Variants in UNC5A observed in about 807,000 individuals in gnomAD.
The protein encoded by UNC5A is unc-5 netrin receptor A.
In UNC5A, 20 loss-of-function variants were observed where a neutral mutation model predicts 87.4. That is an observed-to-expected ratio of 0.23 (90% CI 0.16 to 0.33). The LOEUF is 0.33. UNC5A is among the 10% of genes least tolerant of loss of function. The pLI, the probability that UNC5A is intolerant of heterozygous loss-of-function variation, is 1.00. For synonymous variants in UNC5A, 438 were observed against 482.3 expected, an observed-to-expected ratio of 0.91 and a Z score of 1.20; for missense variants, 844 against 1,133.4, an observed-to-expected ratio of 0.74 and a Z score of 3.67.
chr5:176,868,065 G>A, intron 2 of UNC5A, 65 bp from the exon 3 acceptor site: 1 of 1,521,872 alleles, frequency 6.6e-7, no homozygotes, highest in South Asian at 1.2e-5. Context: ...GGGTGGCGCA[G>A]GAACCCACAC....
intron 10 of UNC5A, 48 bp downstream of exon 10, chr5:176,877,751 G>C: frequency 6.5e-7 from 1 of 1,547,550 alleles, no homozygotes; most frequent in Non-Finnish European, 8.8e-7. Flanking sequence ...TGGGCTAACT[G>C]CACGCTCCAC....
At chr5:176,826,362 G>A (rs546737543) in intron 1 of UNC5A, among the ~76,000 whole-genome samples, 77 of 152,324 alleles carry the variant, frequency 5.1e-4, no homozygotes, top group African/African-American at 1.8e-3. Flanking sequence ...ATGGGAGGGC[G>A]CAGGGAGCAG....
At chr5:176,814,702 C>G (rs1382352928) in intron 1 of UNC5A, among the ~76,000 whole-genome samples, 2 of 152,250 alleles carry the variant, frequency 1.3e-5, no homozygotes, top group African/African-American at 4.8e-5. Context: ...CCTCCTCCTT[C>G]TCCTCCAGTG....
chr5:176,822,863 G>A (rs75376440), intron 1 of UNC5A, among the ~76,000 whole-genome samples: 3,322 of 152,202 alleles, frequency 0.022, 105 homozygotes, highest in African/African-American at 0.075. Flanking sequence ...GCCGGGAGGC[G>A]TGCAGCCCCG....
Position 176,877,919 on chromosome 5 carries a change from C to T in UNC5A, c.1661C>T (p.Ala554Val), listed in dbSNP as rs200322532. Residue 554 changes from alanine to valine, a missense_variant, in exon 11 of 15, where the codon GCG (alanine) becomes GTG (valine). Physicochemically the swap from Ala to Val is moderately conservative, Grantham distance 64. Around this residue, in one of 3 missense-constraint regions of UNC5A, gnomAD observed 353 missense variants for 387.5 expected, o/e 0.91. Transcript: ENST00000329542. Reference sequence around the variant, plus strand: ...GATGTGCTGCACCTGGGCGAGGAGGCGCCCTCCCACCTCTACTACTGCCAG... The same window carrying T: ...GATGTGCTGCACCTGGGCGAGGAGGTGCCCTCCCACCTCTACTACTGCCAG... ...WEDVLHLGEEAPSHLYYCQLE... is the reference protein window; with the variant it reads ...WEDVLHLGEEVPSHLYYCQLE... 204 of 1,602,236 alleles carry T rather than the reference C, an allele frequency of 1.3e-4. 2 individuals are homozygous for T. In the South Asian group the frequency reaches 1.5e-3, roughly 12 times the overall value.
At chr5:176,846,452 G>A (rs1330940073) in intron 1 of UNC5A, among the ~76,000 whole-genome samples, 1 of 152,138 alleles carries the variant, frequency 6.6e-6, no homozygotes, top group Non-Finnish European at 1.5e-5. Flanking sequence ...TGGTTTTCTT[G>A]TCCATGATGG....
chr5:176,862,068 C>G (rs1342493128), intron 1 of UNC5A, among the ~76,000 whole-genome samples: 3 of 152,222 alleles, frequency 2.0e-5, no homozygotes, highest in East Asian at 3.8e-4. Context: ...GGAGGTGGCC[C>G]AGGTATCTCA....
chr5:176,854,436 C>T (rs1757619992), intron 1 of UNC5A, among the ~76,000 whole-genome samples: 1 of 152,218 alleles, frequency 6.6e-6, no homozygotes, highest in South Asian at 2.1e-4. Flanking sequence ...ATGCAGGTGG[C>T]AGGGAGTGCT....
intron 1 of UNC5A, among the ~76,000 whole-genome samples, chr5:176,851,843 C>T (rs1188221277): frequency 6.6e-6 from 1 of 152,138 alleles, no homozygotes; most frequent in Non-Finnish European, 1.5e-5. Flanking sequence ...GGTGCGTGTG[C>T]CTGGGGAAGA....
At chr5:176,818,116 C>T (rs993442314) in intron 1 of UNC5A, among the ~76,000 whole-genome samples, 2 of 152,360 alleles carry the variant, frequency 1.3e-5, no homozygotes, top group South Asian at 4.1e-4. Flanking sequence ...CCTGCCCCTG[C>T]CCGCCCTTCC....
Position 176,874,557 on chromosome 5 carries a change from C to A in UNC5A, c.1369C>A (p.Pro457Thr). The change falls in exon 8 of 15, where the codon CCT becomes ACT. Residue 457 changes from proline (P) to threonine (T), a missense_variant. By Grantham distance (38) the Pro-to-Thr change is conservative. This residue lies in a region of UNC5A where 353 missense variants were observed against 387.5 expected (regional missense o/e 0.91). Coordinates refer to ENST00000329542, the MANE Select transcript of UNC5A (RefSeq NM_133369.3). This position sits in a 1 kb window ranked among gnomAD's most constrained non-coding sequence, Gnocchi z 7.6. ...FNFLGGRLMIPNTGISLLIPP... is the reference protein window; with the variant it reads ...FNFLGGRLMITNTGISLLIPP... ...CTTCCTCGGGGGCCGGCTGATGATCCCTAATACAGGTAGGAAGGACCCCAG... is the reference window on the plus strand; with the variant it reads ...CTTCCTCGGGGGCCGGCTGATGATCACTAATACAGGTAGGAAGGACCCCAG... The A allele has an allele frequency of 6.4e-7, 1 of 1,553,172 alleles. No individual in the cohort carries two copies.
chr5:176,823,647 C>G (rs759337139), intron 1 of UNC5A, among the ~76,000 whole-genome samples: 2 of 151,492 alleles, frequency 1.3e-5, no homozygotes, highest in African/African-American at 2.4e-5. Context: ...AGCAGAGGCT[C>G]GGAGGTCTGG....
Position 176,846,664 on chromosome 5 carries a change from G to C in UNC5A, c.71-15960G>C, listed in dbSNP as rs959811542. On this transcript the variant is annotated intron_variant, in intron 1 of 14. Coordinates refer to ENST00000329542, the MANE Select transcript of UNC5A (RefSeq NM_133369.3). ...CACTTGGATGATCTCACCAGTATCT[G>C]CCTCCCACAAGTGGGCGGGCTCTAG... is the stretch of plus-strand genomic sequence containing the variant. 9.2e-5 allele frequency among the ~76,000 whole-genome samples: 14 copies of C among 152,246 alleles called. No homozygotes were observed. The East Asian group carries it at 2.7e-3, about 29-fold the overall frequency.
In UNC5A at chr5:176,874,630, G is replaced by C. The variant is rs553814051; in HGVS notation, c.1378+64G>C. 2.7e-6 allele frequency: 4 copies of C among 1,473,034 alleles called. No individual in the cohort carries two copies. Among genetic ancestry groups the C allele is most frequent in the Non-Finnish European group, 3.6e-6 (4 of 1,106,258 alleles). The allele number at this position is 1,473,034 out of a possible 1,614,324, so 91.2% of individuals were successfully genotyped here. Reference sequence around the variant, plus strand: ...CCTCCTGGAGGAGGACGGGACAGCCGGACGTTCCTCTCGTGCCCCTCGGTG... The same window carrying C: ...CCTCCTGGAGGAGGACGGGACAGCCCGACGTTCCTCTCGTGCCCCTCGGTG... On this transcript the variant is annotated intron_variant, in intron 8 of 14. Transcript: ENST00000329542. The surrounding 1 kb of genome is among the most constrained non-coding windows in gnomAD (Gnocchi z 7.6).
rs1758017164 is a variant in UNC5A at position 176,868,059 on chromosome 5, G to A, written c.293-71G>A. ...CCAGTCAGCGAGAGTGGCTGAGGGT[G>A]GCGCAGGAACCCACACACAGAAGCT... On this transcript the variant is annotated intron_variant, in intron 2 of 14. Coordinates refer to ENST00000329542, the MANE Select transcript of UNC5A (RefSeq NM_133369.3). 14 of 1,469,700 alleles carry A rather than the reference G, an allele frequency of 9.5e-6. No homozygotes were observed. In the Admixed American group the frequency reaches 3.2e-4, roughly 34 times the overall value. The allele number at this position is 1,469,700 out of a possible 1,614,324, so 91.0% of individuals were successfully genotyped here.
In UNC5A at chr5:176,821,891, T is replaced by C. The variant is rs917398837; in HGVS notation, c.70+11071T>C. Among the ~76,000 whole-genome samples, 5 of 152,292 alleles carry C rather than the reference T, an allele frequency of 3.3e-5. No individual in the cohort carries two copies. The East Asian group carries it at 9.7e-4, about 29-fold the overall frequency. ...TGGACACCAGACTCTGGTTAGGCCTTCCCCTGCAGGACTAATTGACTTCCC... is the reference window on the plus strand; with the variant it reads ...TGGACACCAGACTCTGGTTAGGCCTCCCCCTGCAGGACTAATTGACTTCCC... On this transcript the variant is annotated intron_variant, in intron 1 of 14. Coordinates refer to ENST00000329542, the MANE Select transcript of UNC5A (RefSeq NM_133369.3).
chr5:176,866,768 T>C lies in UNC5A; in HGVS notation c.293-1362T>C, dbSNP rs1031162315. On this transcript the variant is annotated intron_variant, in intron 2 of 14. Coordinates refer to ENST00000329542, the MANE Select transcript of UNC5A (RefSeq NM_133369.3). The surrounding 1 kb of genome is among the most constrained non-coding windows in gnomAD (Gnocchi z 5.0). ...AGGACCCTGTGAGCCACCCCCTCGT[T>C]CTCAGCCTGCCCACCCCACCCCCTG... Among the ~76,000 whole-genome samples the C allele has an allele frequency of 6.6e-6, 1 of 152,110 alleles. No homozygotes were observed. Among genetic ancestry groups the C allele is most frequent in the Non-Finnish European group, 1.5e-5 (1 of 68,014 alleles).
At chr5:176,857,485 C>T (rs1427413966) in intron 1 of UNC5A, among the ~76,000 whole-genome samples, 1 of 152,028 alleles carries the variant, frequency 6.6e-6, no homozygotes, top group Non-Finnish European at 1.5e-5. Context: ...TGGCCCCCAG[C>T]CTCCCTACAC....
chr5:176,843,511 T>C (rs1405321356), intron 1 of UNC5A, among the ~76,000 whole-genome samples: 1 of 152,246 alleles, frequency 6.6e-6, no homozygotes, highest in Non-Finnish European at 1.5e-5. Context: ...TGTGTCTTGA[T>C]GCTGGTGGTG....
Sources: allele counts gnomAD v4.1 joint callset (sites outside exome capture counted in the v4.1 genomes callset), GRCh38; gene constraint gnomAD v4.1.1; regional missense constraint gnomAD v4.1.1; non-coding constraint Gnocchi (gnomAD v3.1); transcripts MANE v1.5; gene names NCBI Gene and HGNC (gene_info 2026-07-23, HGNC 2026-07-21).